Variants in FAM171A1 observed in about 807,000 individuals in gnomAD.
FAM171A1 encodes protein FAM171A1.
Under a neutral mutation model 74.9 loss-of-function variants are expected in FAM171A1, and 23 were observed. The observed-to-expected ratio is 0.31, with a 90% CI of 0.22 to 0.44. FAM171A1 has a LOEUF of 0.44. Ranked by LOEUF, FAM171A1 falls within the 20% of genes least tolerant of loss-of-function variation. The pLI is 1.00. For synonymous variants in FAM171A1, 527 were observed against 505.7 expected (o/e 1.04, Z -0.57); for missense variants, 1,162 against 1,159.2 (o/e 1.00, Z -0.03).
chr10:15,336,586 T>A (rs1231524585), intron 1 of FAM171A1, among the ~76,000 whole-genome samples: 3 of 152,170 alleles, frequency 2.0e-5, no homozygotes, highest in Non-Finnish European at 4.4e-5. Context: ...TGTTTTATAA[T>A]CCACACGGAC....
Position 15,307,673 on chromosome 10 carries a change from C to T in FAM171A1, c.98-23568G>A, listed in dbSNP as rs565914504. 3.8e-3 allele frequency among the ~76,000 whole-genome samples: 516 copies of T among 136,686 alleles called. 1 individual carries two copies. The highest frequency in any genetic ancestry group is 0.013 in the African/African-American group (492 of 37,062). 89.7% of individuals were successfully genotyped at this position (136,686 alleles called of 152,430 possible). The stretch of plus-strand genomic sequence containing the variant: ...AAAAAAAAAAAAAAAAAAAAAAATG[C>T]GACTTGAAGAAGATCTCAAAACAGT... On this transcript the variant is annotated intron_variant, in intron 1 of 7. Transcript: ENST00000378116.
intron 1 of FAM171A1, among the ~76,000 whole-genome samples, chr10:15,331,494 C>T (rs952646383): frequency 1.3e-5 from 2 of 152,026 alleles, no homozygotes; most frequent in Non-Finnish European, 2.9e-5. Flanking sequence ...ACACCAAAGG[C>T]GTGTTTCTGA....
intron 1 of FAM171A1, among the ~76,000 whole-genome samples, chr10:15,298,711 A>G (rs1835190853): frequency 6.6e-6 from 1 of 152,172 alleles, no homozygotes; most frequent in Non-Finnish European, 1.5e-5. Context: ...TAATATCTTC[A>G]CTTTTCTCAG....
At chr10:15,263,830 C>G (rs963687524) in intron 3 of FAM171A1, among the ~76,000 whole-genome samples, 2 of 151,526 alleles carry the variant, frequency 1.3e-5, no homozygotes, top group African/African-American at 2.4e-5. Context: ...AATCTATCAT[C>G]TATCTATACA....
intron 1 of FAM171A1, among the ~76,000 whole-genome samples, chr10:15,352,955 C>T (rs532018470): frequency 3.3e-5 from 5 of 152,274 alleles, no homozygotes; most frequent in African/African-American, 7.2e-5. Flanking sequence ...AATTTTGCTA[C>T]CAGCAACATT....
intron 5 of FAM171A1, among the ~76,000 whole-genome samples, chr10:15,232,964 A>C: frequency 6.6e-6 from 1 of 152,242 alleles, no homozygotes; most frequent in Non-Finnish European, 1.5e-5. Flanking sequence ...CTGTTTTTCT[A>C]ATGGATAAGC....
At chr10:15,281,724 G>A (rs1220197184) in intron 2 of FAM171A1, among the ~76,000 whole-genome samples, 1 of 152,172 alleles carries the variant, frequency 6.6e-6, no homozygotes, top group Non-Finnish European at 1.5e-5. Flanking sequence ...AACCAGGTGT[G>A]GTGGTGTGCT....
chr10:15,309,152 A>G (rs1835330120), intron 1 of FAM171A1, among the ~76,000 whole-genome samples: 1 of 152,244 alleles, frequency 6.6e-6, no homozygotes, highest in Non-Finnish European at 1.5e-5. Flanking sequence ...ATGGATGTAC[A>G]TAACATAAAC....
intron 1 of FAM171A1, among the ~76,000 whole-genome samples, chr10:15,314,798 G>A (rs912501336): frequency 2.0e-5 from 3 of 152,158 alleles, no homozygotes; most frequent in African/African-American, 7.2e-5. Flanking sequence ...GGGAGTATCC[G>A]CTGCCACATT....
At chr10:15,337,632 C>T (rs1327836511) in intron 1 of FAM171A1, among the ~76,000 whole-genome samples, 1 of 152,086 alleles carries the variant, frequency 6.6e-6, no homozygotes, top group Non-Finnish European at 1.5e-5. Context: ...CGCGGTGGCT[C>T]ACGCCTGCAA....
intron 1 of FAM171A1, among the ~76,000 whole-genome samples, chr10:15,299,410 G>T (rs1248087968): frequency 6.6e-6 from 1 of 152,296 alleles, no homozygotes; most frequent in South Asian, 2.1e-4. Context: ...CTAAACTGGT[G>T]GGGGAAAGAT....
intron 2 of FAM171A1, among the ~76,000 whole-genome samples, chr10:15,279,173 G>C (rs541847159): frequency 6.6e-6 from 1 of 152,204 alleles, no homozygotes; most frequent in Non-Finnish European, 1.5e-5. Context: ...GACCATCGCA[G>C]TGTGTTTTGA....
chr10:15,229,648 CCAT>C (rs1235486653), intron 5 of FAM171A1, among the ~76,000 whole-genome samples: 1 of 142,542 alleles, frequency 7.0e-6, no homozygotes, highest in Non-Finnish European at 1.5e-5. Flanking sequence ...ATCACCATCA[CCAT>C]CATCACCATT....
In FAM171A1 at chr10:15,264,064, GA is replaced by G. The variant is rs542090435; in HGVS notation, c.419-9186del. Among the ~76,000 whole-genome samples, 571 of 152,066 alleles carry G rather than the reference GA, an allele frequency of 3.8e-3. 5 individuals carry two copies. The highest frequency in any genetic ancestry group is 5.7e-3 in the Non-Finnish European group (386 of 67,992). On this transcript the variant is annotated intron_variant, in intron 3 of 7. Transcript: ENST00000378116. ...CACAATCATGGCTCACTGCAACCTT[GA>G]ACTCCTGGGCTCAAGAGATTCTCCC...
chr10:15,349,578 G>T (rs1349574919), intron 1 of FAM171A1, among the ~76,000 whole-genome samples: 1 of 152,088 alleles, frequency 6.6e-6, no homozygotes, highest in Non-Finnish European at 1.5e-5. Flanking sequence ...GACCACTAAA[G>T]GGCTTTTCCC....
intron 1 of FAM171A1, among the ~76,000 whole-genome samples, chr10:15,329,676 A>G (rs1029826999): frequency 1.3e-5 from 2 of 151,846 alleles, no homozygotes; most frequent in Non-Finnish European, 2.9e-5. Context: ...AACAAGTAAC[A>G]CAGCTTTTCA....
intron 1 of FAM171A1, among the ~76,000 whole-genome samples, chr10:15,362,264 G>C (rs898104654): frequency 1.1e-4 from 17 of 152,186 alleles, no homozygotes; most frequent in African/African-American, 4.1e-4. Context: ...TCCAGGCTGT[G>C]CTGTAGCTAC....
At chr10:15,323,845 T>C (rs1046834338) in intron 1 of FAM171A1, among the ~76,000 whole-genome samples, 5 of 150,484 alleles carry the variant, frequency 3.3e-5, no homozygotes, top group African/African-American at 1.2e-4. Flanking sequence ...CTTTCAACAA[T>C]TAAAAAAAAA....
At position 15,275,905 on chromosome 10, in the gene FAM171A1, G is replaced by A. The variant is rs754862057; in HGVS notation, c.368C>T (p.Ala123Val). ...GACATCTTCATATACCATTAGAGTG[G>A]CAGAGCGTTCTGGAAGCAGGCCAAG... ...LSLGLLPERS[A>V]TLMVYEDVVQ... is the part of the protein sequence containing the mutation. Residue 123 changes from alanine to valine, a missense_variant, in exon 3 of 8, where the codon GCC becomes GTC. Ala to Val is a moderately conservative substitution (Grantham distance 64). Coordinates refer to ENST00000378116, the MANE Select transcript of FAM171A1 (RefSeq NM_001010924.2). 5.6e-6 allele frequency: 9 copies of A among 1,612,730 alleles called. No individual in the cohort carries two copies. In the African/African-American group the frequency reaches 9.3e-5, roughly 17 times the overall value.
Sources: allele counts gnomAD v4.1 joint callset (sites outside exome capture counted in the v4.1 genomes callset), GRCh38; gene constraint gnomAD v4.1.1; transcripts MANE v1.5; gene names NCBI Gene and HGNC (gene_info 2026-07-23, HGNC 2026-07-21).